Variants in HSD17B2 observed in about 807,000 individuals in gnomAD.
The protein encoded by HSD17B2 is 17-beta-hydroxysteroid dehydrogenase type 2.
Under a neutral mutation model 26.9 loss-of-function variants are expected in HSD17B2, and 32 were observed. The ratio of observed to expected loss-of-function variants is 1.19; its 90% CI spans 0.90 to 1.60. The LOEUF (loss-of-function observed/expected upper bound fraction) is 1.60. Among genes scored for constraint, HSD17B2 ranks in the 40% most tolerant of loss-of-function variants. The pLI, the probability that HSD17B2 is intolerant of heterozygous loss-of-function variation, is 0.00. For missense variants in HSD17B2, 613 were observed against 468.6 expected (o/e 1.31, Z -2.85); for synonymous variants, 246 against 186.7 (o/e 1.32, Z -2.59).
chr16:82,064,899 C>A (rs1024127105), intron 1 of HSD17B2, among the ~76,000 whole-genome samples: 2 of 152,200 alleles, frequency 1.3e-5, no homozygotes, highest in Non-Finnish European at 1.5e-5. Context: ...CCCAGTCCCC[C>A]CATTTGCTAT....
intron 1 of HSD17B2, among the ~76,000 whole-genome samples, chr16:82,061,173 G>C (rs1318901709): frequency 6.6e-6 from 1 of 151,794 alleles, no homozygotes; most frequent in Non-Finnish European, 1.5e-5. Context: ...GCAAAGAATT[G>C]CTTGAACCCA....
Position 82,035,304 on chromosome 16 carries a change from G to T in HSD17B2, c.-121G>T, listed in dbSNP as rs1281601626. 13 of 838,568 alleles carry T rather than the reference G, an allele frequency of 1.6e-5. No homozygotes were observed. The highest frequency in any genetic ancestry group is 1.9e-5 in the Non-Finnish European group (10 of 533,004). 51.9% of individuals were successfully genotyped at this position (838,568 alleles called of 1,614,324 possible). On this transcript the variant is annotated 5_prime_UTR_variant, in exon 1 of 5. Coordinates refer to ENST00000199936, the MANE Select transcript of HSD17B2 (RefSeq NM_002153.3). The stretch of plus-strand genomic sequence containing the variant: ...ATCTATGCTCAGTTGAAAGGGGCTG[G>T]GGCTGCTTTCTCCCCTCCCTTCTTG...
chr16:82,087,708 T>C (rs911637144), intron 3 of HSD17B2, among the ~76,000 whole-genome samples: 1 of 152,184 alleles, frequency 6.6e-6, no homozygotes, highest in African/African-American at 2.4e-5. Context: ...GGGTAATTTA[T>C]AATGAACAGA....
rs1410794363 is a variant in HSD17B2 at position 82,063,454 on chromosome 16, G to C, written c.266-4716G>C. Among the ~76,000 whole-genome samples the C allele has an allele frequency of 2.6e-5, 4 of 152,226 alleles. No individual in the cohort carries two copies. The South Asian group carries it at 8.3e-4, about 32-fold the overall frequency. On this transcript the variant is annotated intron_variant, in intron 1 of 4. Transcript: ENST00000199936. ...TACACAGGCAGGAATAGCAGGGCTA[G>C]ACTCGCACCCATTCGCCTATGCCAC...
chr16:82,064,988 G>C (rs1397378720), intron 1 of HSD17B2, among the ~76,000 whole-genome samples: 5 of 152,228 alleles, frequency 3.3e-5, no homozygotes, highest in Non-Finnish European at 7.3e-5. Context: ...ATTTCTGAAA[G>C]AGAAAAGCTG....
At chr16:82,084,623 T>C (rs865911725) in intron 3 of HSD17B2, among the ~76,000 whole-genome samples, 15 of 152,170 alleles carry the variant, frequency 9.9e-5, no homozygotes, top group African/African-American at 3.4e-4. Context: ...CAAAGGACAG[T>C]TGGAAAATTG....
chr16:82,045,951 C>T (rs1683586653), intron 1 of HSD17B2, among the ~76,000 whole-genome samples: 1 of 152,226 alleles, frequency 6.6e-6, no homozygotes, highest in Non-Finnish European at 1.5e-5. Context: ...TTGGGAGGTG[C>T]TGGACTGTGA....
intron 1 of HSD17B2, among the ~76,000 whole-genome samples, chr16:82,052,635 G>A (rs1178934302): frequency 1.3e-5 from 2 of 152,182 alleles, no homozygotes; most frequent in South Asian, 2.1e-4. Context: ...TGACAAAGCT[G>A]GGCCCTGAAT....
chr16:82,040,074 C>A (rs1446471768), intron 1 of HSD17B2, among the ~76,000 whole-genome samples: 1 of 152,230 alleles, frequency 6.6e-6, no homozygotes, highest in Admixed American at 6.5e-5. Flanking sequence ...ATAAGGCTTG[C>A]TGCATTAGAT....
At chr16:82,065,094 C>T (rs1166361395) in intron 1 of HSD17B2, among the ~76,000 whole-genome samples, 1 of 152,212 alleles carries the variant, frequency 6.6e-6, no homozygotes, top group Non-Finnish European at 1.5e-5. Flanking sequence ...AGCTGGGAAG[C>T]TCTCAGCATC....
chr16:82,098,362 A>G lies in HSD17B2; in HGVS notation c.1090A>G (p.Lys364Glu). Residue 364 changes from lysine to glutamate, a missense_variant, in exon 5 of 5, where the codon AAA becomes GAA. Coordinates refer to ENST00000199936, the MANE Select transcript of HSD17B2 (RefSeq NM_002153.3). ...TATTGGCATATATGATTACTTTGCTAAAAGACATTTTGGCCAAGACAAGCC... is the reference window on the plus strand; with the variant it reads ...TATTGGCATATATGATTACTTTGCTGAAAGACATTTTGGCCAAGACAAGCC... Reference protein sequence around the residue: ...LPIGIYDYFAKRHFGQDKPMP... With the variant: ...LPIGIYDYFAERHFGQDKPMP... The G allele has an allele frequency of 6.2e-7, 1 of 1,614,172 alleles. No individual in the cohort carries two copies. The highest frequency in any genetic ancestry group is 1.1e-5 in the South Asian group (1 of 91,078).
intron 3 of HSD17B2, among the ~76,000 whole-genome samples, chr16:82,074,488 G>A (rs751129990): frequency 5.3e-5 from 8 of 152,140 alleles, no homozygotes; most frequent in African/African-American, 7.2e-5. Context: ...GAAACAAAGC[G>A]CTGTCAAGAT....
chr16:82,073,444 T>C (rs1272222956), intron 3 of HSD17B2, among the ~76,000 whole-genome samples: 1 of 152,076 alleles, frequency 6.6e-6, no homozygotes, highest in African/African-American at 2.4e-5. Flanking sequence ...CAGGAAGATC[T>C]CGATCTCCCG....
At chr16:82,068,684 G>A (rs8191138) in intron 2 of HSD17B2, among the ~76,000 whole-genome samples, 65,980 of 152,042 alleles carry the variant, frequency 0.43, 17,579 homozygotes, top group Non-Finnish European at 0.58. Flanking sequence ...GTCCGCAATA[G>A]CAACATGCAT....
intron 1 of HSD17B2, among the ~76,000 whole-genome samples, chr16:82,053,890 CATAG>C (rs1360147641): frequency 2.0e-5 from 3 of 152,170 alleles, no homozygotes; most frequent in African/African-American, 7.2e-5. Flanking sequence ...AATGCATAAC[CATAG>C]ATAGAAGTTC....
At chr16:82,036,172 C>A (rs912607099) in intron 1 of HSD17B2, among the ~76,000 whole-genome samples, 4 of 152,134 alleles carry the variant, frequency 2.6e-5, no homozygotes, top group African/African-American at 9.7e-5. Flanking sequence ...GGGCTGGAGA[C>A]TTTGCAGTTT....
At position 82,078,901 on chromosome 16, in the gene HSD17B2, G is replaced by T. The variant is rs1307600856; in HGVS notation, c.664+7774G>T. On this transcript the variant is annotated intron_variant, in intron 3 of 4. Coordinates refer to ENST00000199936, the MANE Select transcript of HSD17B2 (RefSeq NM_002153.3). Reference sequence around the variant, plus strand: ...AGTAGTGGAGAGGACTAAGGAGGGGGAAGTAGGAATGGTTAATGGGTACAA... The same window carrying T: ...AGTAGTGGAGAGGACTAAGGAGGGGTAAGTAGGAATGGTTAATGGGTACAA... Among the ~76,000 whole-genome samples the T allele has an allele frequency of 2.0e-5, 3 of 152,300 alleles. No homozygotes were observed. The East Asian group carries it at 5.8e-4, about 29-fold the overall frequency.
At chr16:82,074,742 C>A (rs1460623882) in intron 3 of HSD17B2, among the ~76,000 whole-genome samples, 4 of 152,202 alleles carry the variant, frequency 2.6e-5, no homozygotes, top group African/African-American at 7.2e-5. Context: ...GACCTCAATA[C>A]ATTAGTAGCT....
chr16:82,079,720 G>T (rs1486042218), intron 3 of HSD17B2, among the ~76,000 whole-genome samples: 1 of 152,040 alleles, frequency 6.6e-6, no homozygotes, highest in Non-Finnish European at 1.5e-5. Context: ...CAATAGAAAA[G>T]ATTTTGAGCC....
Sources: gnomAD v4.1 joint callset for allele counts (sites outside exome capture counted in the v4.1 genomes callset) on GRCh38, gnomAD v4.1.1 for gene constraint, MANE v1.5 for transcripts, NCBI Gene and HGNC (gene_info 2026-07-23, HGNC 2026-07-21) for gene names.